Variants in JUP observed in about 807,000 individuals in gnomAD.
JUP encodes catenin (cadherin-associated protein), gamma 80kDa.
In JUP, 28 loss-of-function variants were observed where a neutral mutation model predicts 71.1. The observed-to-expected ratio is 0.39, with a 90% CI of 0.29 to 0.54. JUP has a LOEUF of 0.54. Among genes scored for constraint, JUP ranks in the 20% least tolerant of loss-of-function variants. The pLI is 0.62. For synonymous variants in JUP, 401 were observed against 438.9 expected, an observed-to-expected ratio of 0.91 and a Z score of 1.08; for missense variants, 869 against 1,030.1, an observed-to-expected ratio of 0.84 and a Z score of 2.14.
intron 2 of JUP, 152 bp from the exon 3 acceptor site, chr17:41,769,829 A>C: frequency 6.1e-6 from 5 of 815,340 alleles, no homozygotes; most frequent in Non-Finnish European, 9.4e-6. Flanking sequence ...TCTACCTCTC[A>C]CCAGGAACCT....
At position 41,763,127 on chromosome 17, in the gene JUP, G is replaced by A. The variant is rs1555602172; in HGVS notation, c.1353C>T (p.Ile451=). 6.2e-7 allele frequency: 1 copy of A among 1,614,236 alleles called. No homozygotes were observed. Among genetic ancestry groups the A allele is most frequent in the East Asian group, 2.2e-5 (1 of 44,878 alleles). The change falls in exon 8 of 14, where the codon ATC becomes ATT. Residue 451 remains isoleucine, a synonymous_variant. Transcript: ENST00000393931. ...GCAGAGCGCAGACGGCAGGCTCCGTGATGTCGTCCTTGTCACCAGCACGCA... is the reference window on the plus strand; with the variant it reads ...GCAGAGCGCAGACGGCAGGCTCCGTAATGTCGTCCTTGTCACCAGCACGCA... ...AILRAGDKDD[I]TEPAVCALRH...
rs782794110 is a variant in JUP, at chr17:41,769,151, C to T, written c.525G>A (p.Ser175=). 1.3e-5 allele frequency: 21 copies of T among 1,606,794 alleles called. No homozygotes were observed. Among genetic ancestry groups the T allele is most frequent in the East Asian group, 4.5e-5 (2 of 44,892 alleles). ...GGGGCGAGCCCATCAGGGCCCGCCG[C>T]GACGCCTCCTTCTTCGACAGCTGGT... ...IVNQLSKKEA[S]RRALMGSPQL... The change falls in exon 4 of 14, where the codon TCG becomes TCA. Residue 175 remains serine (S), a synonymous_variant. Transcript: ENST00000393931.
intron 1 of JUP, among the ~76,000 whole-genome samples, chr17:41,779,815 GCCA>G (rs1396257258): frequency 6.7e-6 from 1 of 149,264 alleles, no homozygotes; most frequent in Non-Finnish European, 1.5e-5. Context: ...ACGTGCACAT[GCCA>G]CCATGCTTGG....
chr17:41,783,022 A>G (rs983199703), intron 1 of JUP, among the ~76,000 whole-genome samples: 4 of 151,068 alleles, frequency 2.6e-5, no homozygotes, highest in African/African-American at 9.8e-5. Flanking sequence ...GCTTGAACCC[A>G]GGAGGTAGAC....
chr17:41,767,357 G>A (rs781828668), intron 5 of JUP, 22 bp downstream of exon 5: 44 of 1,609,626 alleles, frequency 2.7e-5, no homozygotes, highest in Admixed American at 6.7e-5. Flanking sequence ...TTCAGGCCTC[G>A]GGAGAGTTGG....
intron 8 of JUP, among the ~76,000 whole-genome samples, 153 bp from the exon 9 acceptor site, chr17:41,759,023 C>G (rs1914361364): frequency 6.6e-6 from 1 of 152,240 alleles, no homozygotes; most frequent in East Asian, 1.9e-4. Context: ...GGAGACCATC[C>G]CAGCCATGTC....
At position 41,771,828 on chromosome 17, in the gene JUP, C is replaced by T. The variant is rs146040038; in HGVS notation, c.27G>A (p.Gln9=). 1 of 1,613,556 alleles carries T rather than the reference C, an allele frequency of 6.2e-7. No individual in the cohort carries two copies. Among genetic ancestry groups the T allele is most frequent in the South Asian group, 1.1e-5 (1 of 90,966 alleles). ...GCTGCCACTCAGTCACCTTGATAGG[C>T]TGCTCCATCAGGTTCATCACCTCCA... The part of the protein sequence containing the change: MEVMNLME[Q]PIKVTEWQQT... The change falls in exon 2 of 14, where the codon CAG becomes CAA. Residue 9 remains glutamine, a synonymous_variant. Transcript: ENST00000393931.
rs782039906 is a variant in JUP at position 41,764,865 on chromosome 17, G to C, written c.1055-49C>G. ...TCAGCCACGGGGAGCATGGCTGACTGAGCCTGGCAGCTGGGCAGAGCTCCC... is the reference window on the plus strand; with the variant it reads ...TCAGCCACGGGGAGCATGGCTGACTCAGCCTGGCAGCTGGGCAGAGCTCCC... On this transcript the variant is annotated intron_variant, in intron 6 of 13. Coordinates refer to ENST00000393931, the MANE Select transcript of JUP (RefSeq NM_002230.4). 5 of 1,613,694 alleles carry C rather than the reference G, an allele frequency of 3.1e-6. 1 individual carries two copies. In the South Asian group the frequency reaches 5.5e-5, roughly 18 times the overall value.
chr17:41,775,702 G>A (rs145884906), intron 1 of JUP, among the ~76,000 whole-genome samples: 2,485 of 152,064 alleles, frequency 0.016, 35 homozygotes, highest in Non-Finnish European at 0.02. Context: ...AGCAGCACGG[G>A]AGGAAGAAGC....
At chr17:41,765,119 C>T (rs1374611615) in intron 5 of JUP, 52 bp from the exon 6 acceptor site, 1 of 1,566,870 alleles carries the variant, frequency 6.4e-7, no homozygotes, top group Non-Finnish European at 8.8e-7. Flanking sequence ...ATGACAGGAA[C>T]AAGGAAGCGC....
intron 4 of JUP, among the ~76,000 whole-genome samples, chr17:41,768,508 G>C (rs2143670227): frequency 1.3e-5 from 2 of 151,946 alleles, no homozygotes; most frequent in Middle Eastern, 3.4e-3. Context: ...GCTGCAGTGA[G>C]CTGAGATCAC....
In JUP at chr17:41,771,736, T is replaced by TTGC. The variant is rs113994176; in HGVS notation, c.116_118dup (p.Ser39dup). 1 of 1,614,156 alleles carries TTGC rather than the reference T, an allele frequency of 6.2e-7. No homozygotes were observed. Among genetic ancestry groups the TTGC allele is most frequent in the Non-Finnish European group, 8.5e-7 (1 of 1,180,012 alleles). ...GGCCTCATCCTCCTCCATGATGCCC[T>TTGC]TGCTGCTGACGGAGGGCACGCAGGT... On this transcript the variant is annotated inframe_insertion, in exon 2 of 14. Transcript: ENST00000393931.
chr17:41,782,372 C>T (rs1555610497), intron 1 of JUP, among the ~76,000 whole-genome samples: 1 of 152,210 alleles, frequency 6.6e-6, no homozygotes, highest in Non-Finnish European at 1.5e-5. Flanking sequence ...AGCACTGCCT[C>T]GTCAACTCCA....
chr17:41,755,599 C>G lies in JUP; in HGVS notation c.*145G>C. ...AAGAAGAAGGCAGGCCAGGGCACACCGTGCTTGGGGAAGCTCAGCAGCAAA... is the reference window on the plus strand; with the variant it reads ...AAGAAGAAGGCAGGCCAGGGCACACGGTGCTTGGGGAAGCTCAGCAGCAAA... On this transcript the variant is annotated 3_prime_UTR_variant, in exon 14 of 14. Coordinates refer to ENST00000393931, the MANE Select transcript of JUP (RefSeq NM_002230.4). The G allele has an allele frequency of 1.3e-6, 1 of 777,212 alleles. No homozygotes were observed. The highest frequency in any genetic ancestry group is 2.4e-5 in the South Asian group (1 of 41,408). The allele number at this position is 777,212 out of a possible 1,614,324, so 48.1% of individuals were successfully genotyped here. A position where few individuals can be genotyped will look rare whatever the true frequency, so the allele number is the denominator to read the frequency against.
At chr17:41,773,383 C>G (rs902342948) in intron 1 of JUP, among the ~76,000 whole-genome samples, 1 of 152,230 alleles carries the variant, frequency 6.6e-6, no homozygotes, top group African/African-American at 2.4e-5. Context: ...TGAGCACACC[C>G]GGAACAGGCA....
intron 1 of JUP, among the ~76,000 whole-genome samples, chr17:41,776,763 T>C (rs1033990432): frequency 6.6e-6 from 1 of 151,940 alleles, no homozygotes; most frequent in Non-Finnish European, 1.5e-5. Context: ...TCCCAGCATA[T>C]TGGGAGGCCA....
chr17:41,769,264 T>A (rs1916201840), intron 3 of JUP, 57 bp from the exon 4 acceptor site: 3 of 1,573,996 alleles, frequency 1.9e-6, no homozygotes, highest in South Asian at 2.2e-5. Context: ...CGGGATACCC[T>A]TCCACAGAGC....
At chr17:41,756,030 G>T in intron 13 of JUP, 135 bp from the exon 14 acceptor site, 1 of 1,343,972 alleles carries the variant, frequency 7.4e-7, no homozygotes, top group Non-Finnish European at 1.0e-6. Context: ...CCCCACACCA[G>T]GGCATCTAGA....
intron 10 of JUP, 147 bp downstream of exon 10, chr17:41,758,252 A>C (rs1914197544): frequency 2.2e-6 from 2 of 928,750 alleles, no homozygotes; most frequent in Non-Finnish European, 3.3e-6. Context: ...GGGGTTGCTA[A>C]GTAGTCAATC....
Sources: gnomAD v4.1 joint callset for allele counts (sites outside exome capture counted in the v4.1 genomes callset) on GRCh38, gnomAD v4.1.1 for gene constraint, MANE v1.5 for transcripts, NCBI Gene and HGNC (gene_info 2026-07-23, HGNC 2026-07-21) for gene names.